The following PDE10A variants were observed in gnomAD, a reference collection of about 807,000 sequenced individuals.
PDE10A encodes the protein cAMP and cAMP-inhibited cGMP 3',5'-cyclic phosphodiesterase 10A.
Under a neutral mutation model 97.7 loss-of-function variants are expected in PDE10A, and 39 were observed. The ratio of observed to expected loss-of-function variants is 0.40; its 90% CI spans 0.31 to 0.52. The LOEUF (loss-of-function observed/expected upper bound fraction) is 0.52. Among genes scored for constraint, PDE10A ranks in the 20% least tolerant of loss-of-function variants. The probability of loss-of-function intolerance (pLI) is 0.56; values close to 1 mark genes in which losing one functional copy is unlikely to be tolerated. For synonymous variants in PDE10A, 371 were observed against 376.8 expected (o/e 0.98, Z 0.18); for missense variants, 731 against 1,047.8 (o/e 0.70, Z 4.17).
At chr6:165,366,306 C>G (rs1443788661) in intron 18 of PDE10A, among the ~76,000 whole-genome samples, 1 of 152,054 alleles carries the variant, frequency 6.6e-6, no homozygotes, top group Non-Finnish European at 1.5e-5. Flanking sequence ...ATACAAACAT[C>G]AGAAAAGTAG....
At chr6:165,765,970 TA>T (rs1435181685) in intron 1 of PDE10A, among the ~76,000 whole-genome samples, 1 of 152,250 alleles carries the variant, frequency 6.6e-6, no homozygotes, top group African/African-American at 2.4e-5. Flanking sequence ...TCTAGTGCTT[TA>T]TTTCCCCCCT....
chr6:165,931,383 C>T (rs144980607), intron 1 of PDE10A, among the ~76,000 whole-genome samples: 42 of 152,252 alleles, frequency 2.8e-4, no homozygotes, highest in African/African-American at 9.4e-4. Context: ...TATTGAAAGA[C>T]GAAAAGGAAT....
intron 1 of PDE10A, among the ~76,000 whole-genome samples, chr6:165,719,946 AATCATG>A (rs1397775579): frequency 2.0e-5 from 3 of 152,246 alleles, no homozygotes; most frequent in East Asian, 3.8e-4. Context: ...TTTAGCCAAT[AATCATG>A]ATCTCATCAC....
chr6:165,979,450 A>C (rs879909427), intron 1 of PDE10A, among the ~76,000 whole-genome samples: 11 of 152,262 alleles, frequency 7.2e-5, no homozygotes, highest in African/African-American at 2.4e-4. Context: ...AGCAGATTTT[A>C]TTTCATGAAT....
At chr6:165,556,061 T>C (rs1487826943) in intron 1 of PDE10A, among the ~76,000 whole-genome samples, 2 of 152,166 alleles carry the variant, frequency 1.3e-5, no homozygotes, top group Admixed American at 6.5e-5. Flanking sequence ...ATGCCATAAA[T>C]GCATAAAATA....
At chr6:165,903,403 T>C (rs1180873640) in intron 1 of PDE10A, among the ~76,000 whole-genome samples, 3 of 152,124 alleles carry the variant, frequency 2.0e-5, no homozygotes, top group East Asian at 1.9e-4. Flanking sequence ...GGAAGGAAAG[T>C]TGATAGAACT....
chr6:165,355,968 G>A (rs973111984), intron 18 of PDE10A, among the ~76,000 whole-genome samples: 1 of 152,068 alleles, frequency 6.6e-6, no homozygotes, highest in African/African-American at 2.4e-5. Context: ...AGTTCCACAT[G>A]GCTGGGGAGG....
intron 1 of PDE10A, among the ~76,000 whole-genome samples, chr6:165,809,644 A>G (rs1779226791): frequency 6.6e-6 from 1 of 152,194 alleles, no homozygotes; most frequent in Non-Finnish European, 1.5e-5. Flanking sequence ...CCTGGCTCCA[A>G]AAAGCCTAGT....
intron 1 of PDE10A, among the ~76,000 whole-genome samples, chr6:165,598,663 T>A (rs996908873): frequency 1.3e-5 from 2 of 152,176 alleles, no homozygotes; most frequent in Admixed American, 1.3e-4. Context: ...TAATATGCCA[T>A]CTGGAACACG....
intron 13 of PDE10A, among the ~76,000 whole-genome samples, chr6:165,398,493 CTCTCT>C (rs1390996213): frequency 9.9e-5 from 10 of 101,234 alleles, no homozygotes; most frequent in Admixed American, 1.9e-4. Context: ...CTCTCTCTCT[CTCTCT>C]CAAAAAAAAA....
intron 1 of PDE10A, among the ~76,000 whole-genome samples, chr6:165,764,494 G>A (rs1033922511): frequency 1.1e-4 from 16 of 143,926 alleles, no homozygotes; most frequent in African/African-American, 3.2e-4. Flanking sequence ...GTGGACCCTC[G>A]CAGTGTTACA....
intron 2 of PDE10A, among the ~76,000 whole-genome samples, chr6:165,526,571 G>T (rs1353501664): frequency 6.6e-6 from 1 of 152,182 alleles, no homozygotes; most frequent in African/African-American, 2.4e-5. Context: ...TGAAAGACGA[G>T]GGGTGGTGAT....
At chr6:165,387,319 A>C (rs562304185) in intron 17 of PDE10A, among the ~76,000 whole-genome samples, 1 of 152,272 alleles carries the variant, frequency 6.6e-6, no homozygotes, top group East Asian at 1.9e-4. Flanking sequence ...AGGACATGAG[A>C]CCTGGACAGG....
intron 1 of PDE10A, among the ~76,000 whole-genome samples, chr6:165,834,497 T>C (rs1018737845): frequency 1.3e-5 from 2 of 152,162 alleles, no homozygotes; most frequent in Non-Finnish European, 2.9e-5. Context: ...AGCCCAGGTG[T>C]GTTCAGTTTA....
intron 1 of PDE10A, among the ~76,000 whole-genome samples, chr6:165,971,139 C>CA (rs561166750): frequency 0.32 from 44,928 of 140,286 alleles, 6,822 homozygotes; most frequent in African/African-American, 0.38. Flanking sequence ...CAGAGGGAGA[C>CA]AAAAAAAAAA....
intron 1 of PDE10A, among the ~76,000 whole-genome samples, chr6:165,841,793 C>T (rs770202646): frequency 6.6e-5 from 10 of 152,190 alleles, no homozygotes; most frequent in East Asian, 1.9e-4. Context: ...TGAGTGACTT[C>T]GTGCTCAAAG....
At chr6:165,542,123 T>C (rs1186596568) in intron 2 of PDE10A, among the ~76,000 whole-genome samples, 1 of 152,168 alleles carries the variant, frequency 6.6e-6, no homozygotes, top group Non-Finnish European at 1.5e-5. Context: ...GTTTTTAATA[T>C]AAAAGTTATA....
intron 1 of PDE10A, among the ~76,000 whole-genome samples, chr6:165,818,120 C>A (rs904768611): frequency 1.3e-5 from 2 of 152,218 alleles, no homozygotes; most frequent in South Asian, 4.1e-4. Flanking sequence ...TGAAAGGACA[C>A]AGATCCTGCT....
At chr6:165,653,725 A>T (rs934571279) in intron 1 of PDE10A, among the ~76,000 whole-genome samples, 2 of 152,130 alleles carry the variant, frequency 1.3e-5, no homozygotes, top group Non-Finnish European at 2.9e-5. Context: ...GCAGATAGAA[A>T]CCAATGAGCA....
Sources: allele counts gnomAD v4.1 joint callset (sites outside exome capture counted in the v4.1 genomes callset), GRCh38; gene constraint gnomAD v4.1.1; transcripts MANE v1.5; gene names NCBI Gene and HGNC (gene_info 2026-07-23, HGNC 2026-07-21).